FNDC5: variants seen among roughly 807,000 people sequenced by gnomAD.
FNDC5 encodes fibronectin type III domain containing 5.
Under a neutral mutation model 24.6 loss-of-function variants are expected in FNDC5, and 10 were observed. The observed-to-expected ratio is 0.41, with a 90% CI of 0.25 to 0.69. The LOEUF is 0.69. Ranked by LOEUF, FNDC5 falls within the 30% of genes least tolerant of loss-of-function variation. The probability of loss-of-function intolerance (pLI) is 0.34; values close to 1 mark genes in which losing one functional copy is unlikely to be tolerated. For missense variants in FNDC5, 226 were observed against 282.9 expected (o/e 0.80, Z 1.44); for synonymous variants, 90 against 110.7 (o/e 0.81, Z 1.18).
In FNDC5 at chr1:32,862,345, C is replaced by T. The variant is rs544110773; in HGVS notation, c.*1949G>A. 7.9e-5 allele frequency: 12 copies of T among 152,786 alleles called. No individual in the cohort carries two copies. Among genetic ancestry groups the T allele is most frequent in the African/African-American group, 2.9e-4 (12 of 41,582 alleles). The allele number at this position is 152,786 out of a possible 1,614,324, so 9.5% of individuals were successfully genotyped here. A position where few individuals can be genotyped will look rare whatever the true frequency, so the allele number is the denominator to read the frequency against. On this transcript the variant is annotated 3_prime_UTR_variant, in exon 6 of 6. Transcript: ENST00000373471. Reference sequence around the variant, plus strand: ...AGTGGATCAGAGGTAAGGACCTCTCCCCTAAGGAGCCTTGGCCTTGCAGCC... The same window carrying T: ...AGTGGATCAGAGGTAAGGACCTCTCTCCTAAGGAGCCTTGGCCTTGCAGCC...
Position 32,868,231 on chromosome 1 carries a change from T to C in FNDC5, c.368A>G (p.Lys123Arg). 1.2e-6 allele frequency: 2 copies of C among 1,614,168 alleles called. No homozygotes were observed. The highest frequency in any genetic ancestry group is 1.7e-6 in the Non-Finnish European group (2 of 1,180,036). Residue 123 changes from lysine (K) to arginine (R), a missense_variant, in exon 3 of 6, where the codon AAG (lysine) becomes AGG (arginine). Transcript: ENST00000373471. The surrounding 1 kb of genome is among the most constrained non-coding windows in gnomAD (Gnocchi z 4.8). Reference sequence around the variant, plus strand: ...CATCTTCTCAGCCTCACGCGGGGTCTTGAAGAGCACAGGCTCGCTGGCTGG... The same window carrying C: ...CATCTTCTCAGCCTCACGCGGGGTCCTGAAGAGCACAGGCTCGCTGGCTGG...
In FNDC5 at chr1:32,864,717, C is replaced by G; in HGVS notation, c.580G>C (p.Ala194Pro). ...TGCTCTGGTGTGCTGGTTTCTGATG[C>G]ACTCTTGGTTTTTTCCTTGTTGTTA... Residue 194 changes from alanine to proline, a missense_variant, in exon 5 of 6, where the codon GCA becomes CCA. Ala to Pro is a conservative substitution (Grantham distance 27). Coordinates refer to ENST00000373471, the MANE Select transcript of FNDC5 (RefSeq NM_153756.3). 6.2e-7 allele frequency: 1 copy of G among 1,614,214 alleles called. No homozygotes were observed. The highest frequency in any genetic ancestry group is 8.5e-7 in the Non-Finnish European group (1 of 1,180,050).
At chr1:32,867,946 A>G in intron 3 of FNDC5, 104 bp from the exon 4 acceptor site, 1 of 1,189,534 alleles carries the variant, frequency 8.4e-7, no homozygotes, top group Non-Finnish European at 1.2e-6. Flanking sequence ...GTGCCCACAC[A>G]TCTAACATAC....
chr1:32,868,700 T>G lies in FNDC5; in HGVS notation c.210+182A>C. Among the ~76,000 whole-genome samples, 1 of 152,172 alleles carries G rather than the reference T, an allele frequency of 6.6e-6. No homozygotes were observed. Among genetic ancestry groups the G allele is most frequent in the Non-Finnish European group, 1.5e-5 (1 of 68,030 alleles). On this transcript the variant is annotated intron_variant, in intron 2 of 5. Coordinates refer to ENST00000373471, the MANE Select transcript of FNDC5 (RefSeq NM_153756.3). The surrounding 1 kb of genome is among the most constrained non-coding windows in gnomAD (Gnocchi z 4.8). ...TGACTGATTCTCTTCTAGAGAATTT[T>G]CAGACATATGTCTGAATGGGGCCCC... is the stretch of plus-strand genomic sequence containing the variant.
Position 32,870,849 on chromosome 1 carries a change from C to T in FNDC5, c.-103G>A, listed in dbSNP as rs1485457235. 1 of 203,078 alleles carries T rather than the reference C, an allele frequency of 4.9e-6. No individual in the cohort carries two copies. The highest frequency in any genetic ancestry group is 8.4e-6 in the Non-Finnish European group (1 of 119,352). 12.6% of individuals were successfully genotyped at this position (203,078 alleles called of 1,614,324 possible). A position where few individuals can be genotyped will look rare whatever the true frequency, so the allele number is the denominator to read the frequency against. On this transcript the variant is annotated 5_prime_UTR_variant, in exon 1 of 6. Transcript: ENST00000373471. ...GCTCCGGCCCCCGGCCCGGCCGGCC[C>T]GGCCGCTCCGGCCGCCCTGCGCCGC...
At chr1:32,869,313 GGA>G (rs1236828201) in intron 1 of FNDC5, among the ~76,000 whole-genome samples, 2 of 152,244 alleles carry the variant, frequency 1.3e-5, no homozygotes, top group Non-Finnish European at 2.9e-5. Flanking sequence ...TTAGAGTTGT[GGA>G]GAGAGTTATG....
In FNDC5 at chr1:32,864,219, T is replaced by C; in HGVS notation, c.*75A>G. ...CCAGATGTTTGTTGGATAATCATCA[T>C]CAGAACCATGAGATCCTCTCACATT... On this transcript the variant is annotated 3_prime_UTR_variant, in exon 6 of 6. Coordinates refer to ENST00000373471, the MANE Select transcript of FNDC5 (RefSeq NM_153756.3). 1 of 1,613,970 alleles carries C rather than the reference T, an allele frequency of 6.2e-7. No homozygotes were observed. The highest frequency in any genetic ancestry group is 8.5e-7 in the Non-Finnish European group (1 of 1,179,882).
At position 32,868,437 on chromosome 1, in the gene FNDC5, GCTCCTGCCCAC is replaced by G; in HGVS notation, c.211-60_211-50del. ...CTGTCAACACTCGGTGACCAGCCCC[GCTCCTGCCCAC>G]CTCCCAGTGGTGACAAAGCCTTTAC... On this transcript the variant is annotated intron_variant, in intron 2 of 5. Transcript: ENST00000373471. The surrounding 1 kb of genome is among the most constrained non-coding windows in gnomAD (Gnocchi z 4.8). The G allele has an allele frequency of 6.4e-7, 1 of 1,573,388 alleles. No individual in the cohort carries two copies. Among genetic ancestry groups the G allele is most frequent in the Non-Finnish European group, 8.7e-7 (1 of 1,155,228 alleles).
rs1641126854 is a variant in FNDC5 at position 32,868,960 on chromosome 1, G to A, written c.132C>T (p.His44=). Residue 44 remains histidine (H), a synonymous_variant, in exon 2 of 6, where the codon CAC becomes CAT. Coordinates refer to ENST00000373471, the MANE Select transcript of FNDC5 (RefSeq NM_153756.3). The surrounding 1 kb of genome is among the most constrained non-coding windows in gnomAD (Gnocchi z 4.8). The stretch of plus-strand genomic sequence containing the variant: ...TCACCACTGCAGAGTTGGCCTTGAG[G>A]TGCCTGACGGTGACGTTCACTGGGG... The A allele has an allele frequency of 1.3e-5, 16 of 1,234,702 alleles. No homozygotes were observed. The highest frequency in any genetic ancestry group is 1.6e-5 in the Non-Finnish European group (16 of 989,438). 76.5% of individuals were successfully genotyped at this position (1,234,702 alleles called of 1,614,324 possible).
At chr1:32,869,644 C>T (rs1641140194) in intron 1 of FNDC5, among the ~76,000 whole-genome samples, 1 of 152,004 alleles carries the variant, frequency 6.6e-6, no homozygotes, top group African/African-American at 2.4e-5. Flanking sequence ...TCACTCAGAG[C>T]AGGGCCCCTC....
chr1:32,867,699 T>G (rs1026305224), intron 4 of FNDC5, 54 bp downstream of exon 4: 1 of 1,549,052 alleles, frequency 6.5e-7, no homozygotes, highest in African/African-American at 1.4e-5. Context: ...CTGGTCAGAG[T>G]CCTCCATTTC....
intron 4 of FNDC5, among the ~76,000 whole-genome samples, 196 bp from the exon 5 acceptor site, chr1:32,864,993 C>G (rs1015268824): frequency 6.6e-6 from 1 of 152,198 alleles, no homozygotes; most frequent in African/African-American, 2.4e-5. Flanking sequence ...CTAGGCTGAT[C>G]TTCCTACAAT....
At chr1:32,867,919 A>G in intron 3 of FNDC5, 77 bp from the exon 4 acceptor site, 1 of 1,416,864 alleles carries the variant, frequency 7.1e-7, no homozygotes, top group Non-Finnish European at 9.9e-7. Context: ...CCAAGACAAC[A>G]GTGCTGATTT....
chr1:32,870,093 C>A (rs1450944362), intron 1 of FNDC5, among the ~76,000 whole-genome samples: 2 of 152,098 alleles, frequency 1.3e-5, no homozygotes, highest in African/African-American at 4.8e-5. Context: ...CCAGGAGGGA[C>A]AAAGACAGAG....
At chr1:32,867,648 G>A in intron 4 of FNDC5, 105 bp downstream of exon 4, 1 of 1,078,574 alleles carries the variant, frequency 9.3e-7, no homozygotes, top group Non-Finnish European at 1.4e-6. Context: ...TCACCTTAGA[G>A]ATGTCCAAAC....
At chr1:32,871,244 C>T (rs1047450221), upstream of FNDC5, among the ~76,000 whole-genome samples, 1 of 151,978 alleles carries the variant, frequency 6.6e-6, no homozygotes, top group Non-Finnish European at 1.5e-5. Flanking sequence ...TTTGTGCCCC[C>T]ACCCCTAAGC....
chr1:32,871,321 G>GCGT, upstream of FNDC5, among the ~76,000 whole-genome samples: 1 of 152,184 alleles, frequency 6.6e-6, no homozygotes, highest in Non-Finnish European at 1.5e-5. Context: ...TGCGGCTGGG[G>GCGT]CAGACGGGAG....
chr1:32,864,301 T>G lies in FNDC5; in HGVS notation c.634-2A>C, dbSNP rs1641026824. On this transcript the variant is annotated splice_acceptor_variant, in intron 5 of 5. Coordinates refer to ENST00000373471, the MANE Select transcript of FNDC5 (RefSeq NM_153756.3). LOFTEE classifies it high-confidence loss of function. ...CAAGCACTGAAAAGGTTTTCATATC[T>G]GTTTTACAGAAGAGGAAATGAAGGT... is the stretch of plus-strand genomic sequence containing the variant. 1 of 1,614,144 alleles carries G rather than the reference T, an allele frequency of 6.2e-7. No individual in the cohort carries two copies. The highest frequency in any genetic ancestry group is 8.5e-7 in the Non-Finnish European group (1 of 1,179,984).
At chr1:32,866,469 C>T (rs539613715) in intron 4 of FNDC5, among the ~76,000 whole-genome samples, 1 of 152,326 alleles carries the variant, frequency 6.6e-6, no homozygotes, top group South Asian at 2.1e-4. Flanking sequence ...ATTGCAGCTG[C>T]CCTGAACCAG....
Sources: gnomAD v4.1 joint callset for allele counts (sites outside exome capture counted in the v4.1 genomes callset) on GRCh38, gnomAD v4.1.1 for gene constraint, Gnocchi (gnomAD v3.1) non-coding constraint, MANE v1.5 for transcripts, NCBI Gene and HGNC (gene_info 2026-07-23, HGNC 2026-07-21) for gene names.